The following RBMS3 variants were observed in gnomAD, a reference collection of about 807,000 sequenced individuals.
RBMS3 encodes RNA binding motif single stranded interacting protein 3, also known as RNA-binding motif, single-stranded-interacting protein 3.
RBMS3 carries 27 observed loss-of-function variants against 66.8 expected under a neutral mutation model. The ratio of observed to expected loss-of-function variants is 0.40; its 90% CI spans 0.30 to 0.56. The LOEUF is 0.56. Ranked by LOEUF, RBMS3 falls within the 20% of genes least tolerant of loss-of-function variation. RBMS3 has a pLI of 0.40. For missense variants in RBMS3, 513 were observed against 549.5 expected, an observed-to-expected ratio of 0.93 and a Z score of 0.66; for synonymous variants, 188 against 183.0, an observed-to-expected ratio of 1.03 and a Z score of -0.22.
intron 3 of RBMS3, chr3:29,526,170 C>G (rs2045087852): frequency 6.6e-6 from 1 of 152,114 alleles, no homozygotes; most frequent in African/African-American, 2.4e-5. Flanking sequence ...CCCATAAGTG[C>G]TGATGTAGAT....
At chr3:29,693,701 C>A (rs1184950783) in intron 4 of RBMS3, among the ~76,000 whole-genome samples, 3 of 151,948 alleles carry the variant, frequency 2.0e-5, no homozygotes, top group Admixed American at 2.0e-4. Flanking sequence ...GTGCCCTTCT[C>A]GGTAGAGAAA....
chr3:29,413,008 C>T (rs142720860), intron 1 of RBMS3, among the ~76,000 whole-genome samples: 87 of 152,228 alleles, frequency 5.7e-4, no homozygotes, highest in African/African-American at 1.9e-3. Context: ...TTAGGTTAGA[C>T]GGCACTGAAA....
chr3:29,836,205 T>C (rs576245603), intron 6 of RBMS3, among the ~76,000 whole-genome samples: 5 of 152,072 alleles, frequency 3.3e-5, no homozygotes, highest in Non-Finnish European at 7.4e-5. Context: ...AATTAATAGC[T>C]ATTATTTTCA....
chr3:29,897,264 G>T, intron 8 of RBMS3, 115 bp from the exon 9 acceptor site: 2 of 841,876 alleles, frequency 2.4e-6, no homozygotes, highest in Middle Eastern at 2.3e-4. Flanking sequence ...GTTAATGGTT[G>T]GTGGAAAAAC....
intron 4 of RBMS3, among the ~76,000 whole-genome samples, chr3:29,650,185 A>G (rs1407525039): frequency 6.6e-6 from 1 of 152,252 alleles, no homozygotes; most frequent in Non-Finnish European, 1.5e-5. Context: ...ACAAACAGAA[A>G]AGAAAACACC....
chr3:29,765,238 G>A (rs2055872180), intron 6 of RBMS3, among the ~76,000 whole-genome samples: 1 of 151,826 alleles, frequency 6.6e-6, no homozygotes, highest in Non-Finnish European at 1.5e-5. Context: ...TTACAATTTG[G>A]GTATATGCTG....
At chr3:29,302,524 A>G (rs942216292) in intron 1 of RBMS3, among the ~76,000 whole-genome samples, 1 of 152,004 alleles carries the variant, frequency 6.6e-6, no homozygotes. Context: ...TTGGAAAAAA[A>G]ATATATATGT....
chr3:29,418,826 T>C (rs2040584435), intron 1 of RBMS3, among the ~76,000 whole-genome samples: 1 of 152,182 alleles, frequency 6.6e-6, no homozygotes, highest in Non-Finnish European at 1.5e-5. Context: ...TCCTATGTTG[T>C]TAGTCCTTCT....
intron 3 of RBMS3, among the ~76,000 whole-genome samples, chr3:29,489,407 C>G (rs1289793931): frequency 1.3e-5 from 2 of 151,916 alleles, no homozygotes; most frequent in African/African-American, 4.8e-5. Flanking sequence ...CTTCTATAAA[C>G]TCAGAAATGA....
intron 4 of RBMS3, among the ~76,000 whole-genome samples, chr3:29,729,237 C>A (rs1041419552): frequency 1.4e-5 from 2 of 147,196 alleles, no homozygotes; most frequent in Non-Finnish European, 3.0e-5. Flanking sequence ...TGAGAACATG[C>A]GGTGTTTGGT....
chr3:29,916,977 T>G (rs1030585747), intron 10 of RBMS3, among the ~76,000 whole-genome samples: 1 of 152,018 alleles, frequency 6.6e-6, no homozygotes, highest in South Asian at 2.1e-4. Context: ...TTTGCCAGTG[T>G]TTTTCCCTTA....
chr3:29,981,339 T>C (rs1697977708), intron 12 of RBMS3, among the ~76,000 whole-genome samples: 1 of 152,102 alleles, frequency 6.6e-6, no homozygotes, highest in Non-Finnish European at 1.5e-5. Flanking sequence ...GCTGAGACGG[T>C]GGGGTTTTCT....
chr3:29,642,844 T>C (rs1405255304), intron 4 of RBMS3: 1 of 152,068 alleles, frequency 6.6e-6, no homozygotes, highest in Non-Finnish European at 1.5e-5. Flanking sequence ...ATTTGAGCTA[T>C]AAAAGGCTGC....
At chr3:29,389,742 G>A (rs1345919208) in intron 1 of RBMS3, among the ~76,000 whole-genome samples, 1 of 152,166 alleles carries the variant, frequency 6.6e-6, no homozygotes, top group African/African-American at 2.4e-5. Flanking sequence ...ATAATCCCCA[G>A]ACTGCTTGAG....
At chr3:29,437,203 A>G (rs2041434187) in intron 2 of RBMS3, among the ~76,000 whole-genome samples, 1 of 152,226 alleles carries the variant, frequency 6.6e-6, no homozygotes, top group East Asian at 1.9e-4. Context: ...TTTATAACAC[A>G]GGAATCAGCA....
chr3:29,884,424 C>CTCTT (rs2059811966), intron 8 of RBMS3, among the ~76,000 whole-genome samples: 1 of 57,906 alleles, frequency 1.7e-5, no homozygotes, highest in Non-Finnish European at 3.9e-5. Context: ...AAACCCTGTT[C>CTCTT]TCTCTCTCTC....
intron 4 of RBMS3, among the ~76,000 whole-genome samples, chr3:29,677,134 C>G (rs1470863655): frequency 6.6e-6 from 1 of 152,082 alleles, no homozygotes; most frequent in Admixed American, 6.6e-5. Context: ...CTATACAGTA[C>G]TAAGGGGGAT....
At chr3:29,481,029 C>G (rs764555193) in intron 2 of RBMS3, among the ~76,000 whole-genome samples, 6 of 152,150 alleles carry the variant, frequency 3.9e-5, no homozygotes, top group Non-Finnish European at 5.9e-5. Context: ...TTGGATCCTG[C>G]TTTTGCTACT....
intron 5 of RBMS3, among the ~76,000 whole-genome samples, chr3:29,750,465 A>G (rs867863449): frequency 6.6e-6 from 1 of 152,234 alleles, no homozygotes. Context: ...CTGATAGCAT[A>G]TATCAAGACA....
Sources: gnomAD v4.1 joint callset for allele counts (sites outside exome capture counted in the v4.1 genomes callset) on GRCh38, gnomAD v4.1.1 for gene constraint, MANE v1.5 for transcripts, NCBI Gene and HGNC (gene_info 2026-07-23, HGNC 2026-07-21) for gene names.